The following CREB3L2 variants were observed in gnomAD, a reference collection of about 807,000 sequenced individuals.
CREB3L2 encodes the protein cAMP responsive element binding protein 3 like 2, also known as cyclic AMP-responsive element-binding protein 3-like protein 2.
CREB3L2 carries 23 observed loss-of-function variants against 57.2 expected under a neutral mutation model. The ratio of observed to expected loss-of-function variants is 0.40; its 90% CI spans 0.29 to 0.57. The LOEUF (loss-of-function observed/expected upper bound fraction) is 0.57, where lower values mean the gene tolerates loss of function less well. Among genes scored for constraint, CREB3L2 ranks in the 20% least tolerant of loss-of-function variants. The pLI is 0.42. For synonymous variants in CREB3L2, 268 were observed against 265.1 expected (o/e 1.01, Z -0.11); for missense variants, 628 against 634.7 (o/e 0.99, Z 0.11).
intron 2 of CREB3L2, among the ~76,000 whole-genome samples, chr7:137,922,435 T>TACAC (rs1442825422): frequency 2.1e-5 from 1 of 47,184 alleles, no homozygotes; most frequent in Non-Finnish European, 3.2e-5. Context: ...TATATATATA[T>TACAC]ACGTATATAT....
At chr7:137,893,151 T>C (rs1799557084) in intron 8 of CREB3L2, among the ~76,000 whole-genome samples, 1 of 152,168 alleles carries the variant, frequency 6.6e-6, no homozygotes, top group African/African-American at 2.4e-5. Flanking sequence ...CTTTATTTTG[T>C]AGGAACCAGA....
At chr7:137,934,169 A>C (rs1430597023) in intron 1 of CREB3L2, among the ~76,000 whole-genome samples, 1 of 152,232 alleles carries the variant, frequency 6.6e-6, no homozygotes, top group Non-Finnish European at 1.5e-5. Flanking sequence ...ACAATCCTGT[A>C]AATTGGCTTT....
In CREB3L2 at chr7:137,894,033, A is replaced by G. The variant is rs557619866; in HGVS notation, c.1043+7321T>C. ...CTGCTCCACACCGTTGGAGAGAGAC[A>G]GTCTCTTGGGTCTTCTTGTGTTCCT... is the stretch of plus-strand genomic sequence containing the variant. On this transcript the variant is annotated intron_variant, in intron 8 of 11. Coordinates refer to ENST00000330387, the MANE Select transcript of CREB3L2 (RefSeq NM_194071.4). 2.6e-5 allele frequency among the ~76,000 whole-genome samples: 4 copies of G among 152,340 alleles called. No individual in the cohort carries two copies. The South Asian group carries it at 8.3e-4, about 32-fold the overall frequency.
At chr7:137,922,397 T>TATATAC (rs1800318399) in intron 2 of CREB3L2, among the ~76,000 whole-genome samples, 2 of 17,762 alleles carry the variant, frequency 1.1e-4, no homozygotes, top group Non-Finnish European at 9.5e-5. Context: ...TATATATATA[T>TATATAC]ATATATATAT....
intron 8 of CREB3L2, among the ~76,000 whole-genome samples, chr7:137,885,762 A>C (rs1319843760): frequency 1.3e-5 from 2 of 152,232 alleles, no homozygotes; most frequent in African/African-American, 4.8e-5. Context: ...AACTGCCTCC[A>C]CATTACCCCT....
At position 137,876,757 on chromosome 7, in the gene CREB3L2, A is replaced by T; in HGVS notation, c.*3719T>A. The T allele has an allele frequency of 4.3e-6, 1 of 232,310 alleles. No individual in the cohort carries two copies. Among genetic ancestry groups the T allele is most frequent in the Non-Finnish European group, 8.5e-6 (1 of 117,512 alleles). The allele number at this position is 232,310 out of a possible 1,614,324, so 14.4% of individuals were successfully genotyped here. A position where few individuals can be genotyped will look rare whatever the true frequency, so the allele number is the denominator to read the frequency against. ...AGCAAGCAGAAGTGCTGGTGTCTTT[A>T]ACCCAGGTTTCTTAAAGACTGGCTT... On this transcript the variant is annotated 3_prime_UTR_variant, in exon 12 of 12. Coordinates refer to ENST00000330387, the MANE Select transcript of CREB3L2 (RefSeq NM_194071.4).
intron 1 of CREB3L2, among the ~76,000 whole-genome samples, chr7:137,981,484 C>G (rs1405340656): frequency 6.6e-6 from 1 of 151,928 alleles, no homozygotes; most frequent in Admixed American, 6.6e-5. Flanking sequence ...GTGGGAGAAC[C>G]AGGAAGTAGA....
chr7:137,996,791 G>C (rs565544701), intron 1 of CREB3L2, among the ~76,000 whole-genome samples: 1 of 152,160 alleles, frequency 6.6e-6, no homozygotes, highest in Non-Finnish European at 1.5e-5. Flanking sequence ...ATATAAAACT[G>C]TATTAGCATA....
intron 1 of CREB3L2, among the ~76,000 whole-genome samples, chr7:137,983,611 G>A (rs774409862): frequency 3.3e-5 from 5 of 152,160 alleles, no homozygotes; most frequent in African/African-American, 7.2e-5. Context: ...ATTGTGAGCC[G>A]CCAAATAACA....
At chr7:137,910,858 C>A (rs1040600086) in intron 4 of CREB3L2, among the ~76,000 whole-genome samples, 1 of 152,196 alleles carries the variant, frequency 6.6e-6, no homozygotes, top group Admixed American at 6.5e-5. Context: ...ATTTGAAATG[C>A]TGCTTTTGGG....
At chr7:137,883,731 T>C (rs1199955090) in intron 10 of CREB3L2, among the ~76,000 whole-genome samples, 1 of 151,728 alleles carries the variant, frequency 6.6e-6, no homozygotes, top group East Asian at 1.9e-4. Flanking sequence ...TAGTGTTTCT[T>C]ACTATAGTGT....
chr7:137,893,558 T>C (rs892160900), intron 8 of CREB3L2, among the ~76,000 whole-genome samples: 21 of 152,116 alleles, frequency 1.4e-4, no homozygotes, highest in African/African-American at 4.8e-4. Context: ...CATAATAGTG[T>C]GTAGGGAACA....
At chr7:137,898,167 T>C (rs1040891256) in intron 8 of CREB3L2, among the ~76,000 whole-genome samples, 2 of 152,216 alleles carry the variant, frequency 1.3e-5, no homozygotes, top group African/African-American at 4.8e-5. Context: ...AGGTGCTCAC[T>C]GACACTAGTC....
At chr7:137,905,873 G>T (rs755166164) in intron 5 of CREB3L2, 25 bp from the exon 6 acceptor site, 9 of 1,567,948 alleles carry the variant, frequency 5.7e-6, no homozygotes, top group Non-Finnish European at 5.2e-6. Flanking sequence ...GAGCAGAAAA[G>T]GGTCAAAGAA....
chr7:137,894,732 G>A (rs1189995900), intron 8 of CREB3L2, among the ~76,000 whole-genome samples: 1 of 152,216 alleles, frequency 6.6e-6, no homozygotes, highest in African/African-American at 2.4e-5. Context: ...GGACATGGCT[G>A]AAGGAGAGCC....
intron 8 of CREB3L2, among the ~76,000 whole-genome samples, chr7:137,888,249 C>A (rs1054692362): frequency 6.6e-6 from 1 of 152,224 alleles, no homozygotes; most frequent in African/African-American, 2.4e-5. Flanking sequence ...CAGGCATGAG[C>A]CACTTGCACC....
intron 1 of CREB3L2, among the ~76,000 whole-genome samples, chr7:137,945,688 G>A (rs539906419): frequency 1.3e-5 from 2 of 152,222 alleles, no homozygotes; most frequent in Admixed American, 1.3e-4. Flanking sequence ...CAGCAATCTG[G>A]ACTAAGAAGA....
At chr7:137,936,191 G>GACA (rs1800780717) in intron 1 of CREB3L2, among the ~76,000 whole-genome samples, 1 of 152,216 alleles carries the variant, frequency 6.6e-6, no homozygotes, top group Non-Finnish European at 1.5e-5. Flanking sequence ...TAAAGACAGA[G>GACA]TTATCCCAAG....
chr7:137,931,507 G>A (rs1258072715), intron 1 of CREB3L2, among the ~76,000 whole-genome samples: 1 of 144,510 alleles, frequency 6.9e-6, no homozygotes, highest in Non-Finnish European at 1.5e-5. Flanking sequence ...GGGTGACTGA[G>A]CGAGACTCCG....
Sources: gnomAD v4.1 joint callset for allele counts (sites outside exome capture counted in the v4.1 genomes callset) on GRCh38, gnomAD v4.1.1 for gene constraint, MANE v1.5 for transcripts, NCBI Gene and HGNC (gene_info 2026-07-23, HGNC 2026-07-21) for gene names.